Variants in GRAMD2B observed in about 807,000 individuals in gnomAD.
The protein encoded by GRAMD2B is GRAM domain-containing protein 2B.
GRAMD2B carries 41 observed loss-of-function variants against 59.2 expected under a neutral mutation model. The ratio of observed to expected loss-of-function variants is 0.69; its 90% confidence interval spans 0.54 to 0.90. The LOEUF is 0.90. GRAMD2B is among the 40% of genes least tolerant of loss of function. GRAMD2B has a pLI of 0.00. For missense variants in GRAMD2B, 424 were observed against 500.5 expected, an observed-to-expected ratio of 0.85 and a Z score of 1.46; for synonymous variants, 161 against 182.7, an observed-to-expected ratio of 0.88 and a Z score of 0.96.
At chr5:126,408,801 T>C (rs1019538784) in intron 1 of GRAMD2B, among the ~76,000 whole-genome samples, 3 of 149,386 alleles carry the variant, frequency 2.0e-5, no homozygotes, top group African/African-American at 7.4e-5. Flanking sequence ...AACTCGTCAT[T>C]TAGCATTAGG....
upstream of GRAMD2B, among the ~76,000 whole-genome samples, chr5:126,368,468 C>T (rs1234366294): frequency 6.6e-6 from 1 of 152,352 alleles, no homozygotes; most frequent in South Asian, 2.1e-4. Flanking sequence ...TAACTACTTG[C>T]ACATTTTGTC....
At chr5:126,378,249 TTCTTTTCTGTTTACTGAAAA>T (rs1355488899) in intron 1 of GRAMD2B, among the ~76,000 whole-genome samples, 1 of 152,170 alleles carries the variant, frequency 6.6e-6, no homozygotes, top group Non-Finnish European at 1.5e-5. Context: ...CTAAACCACC[TTCTTTTCTGTTTACTGAAAA>T]TATTATGAGG....
At chr5:126,425,077 T>C (rs1561502924) in intron 1 of GRAMD2B, among the ~76,000 whole-genome samples, 1 of 152,204 alleles carries the variant, frequency 6.6e-6, no homozygotes, top group Non-Finnish European at 1.5e-5. Flanking sequence ...ACACAGACCA[T>C]TGCAACCTCA....
chr5:126,386,280 C>A (rs1192551282), intron 1 of GRAMD2B, among the ~76,000 whole-genome samples: 1 of 152,138 alleles, frequency 6.6e-6, no homozygotes, highest in Non-Finnish European at 1.5e-5. Context: ...TGATTCCATG[C>A]TCTCCAACAT....
chr5:126,430,169 G>C (rs1761337605), intron 1 of GRAMD2B, among the ~76,000 whole-genome samples: 1 of 152,160 alleles, frequency 6.6e-6, no homozygotes, highest in Non-Finnish European at 1.5e-5. Context: ...AAAGAGGAGT[G>C]TTTTATCCGA....
chr5:126,409,420 G>A (rs1372018478), intron 1 of GRAMD2B, among the ~76,000 whole-genome samples: 3 of 152,102 alleles, frequency 2.0e-5, no homozygotes, highest in Admixed American at 6.5e-5. Flanking sequence ...GTTTTGATTT[G>A]CATTTCTCTG....
chr5:126,403,582 C>T lies in GRAMD2B; in HGVS notation c.125+32015C>T, dbSNP rs564645809. ...TGAACCATCCTTTACAAAGTTTAGGCTCTAGGGGAAAAAAGAGCAGGGGGG... is the reference window on the plus strand; with the variant it reads ...TGAACCATCCTTTACAAAGTTTAGGTTCTAGGGGAAAAAAGAGCAGGGGGG... On this transcript the variant is annotated intron_variant, in intron 1 of 8. Coordinates refer to the GRAMD2B transcript ENST00000506445. Among the ~76,000 whole-genome samples, 7 of 151,878 alleles carry T rather than the reference C, an allele frequency of 4.6e-5. No individual in the cohort carries two copies. In the East Asian group the frequency reaches 5.8e-4, roughly 13 times the overall value.
chr5:126,396,939 T>C (rs1040436152), intron 1 of GRAMD2B, among the ~76,000 whole-genome samples: 23 of 152,320 alleles, frequency 1.5e-4, no homozygotes, highest in South Asian at 6.2e-4. Flanking sequence ...ATGTTGACCT[T>C]TTTTTCACAT....
At chr5:126,398,197 A>C (rs188740238) in intron 1 of GRAMD2B, among the ~76,000 whole-genome samples, 1 of 151,130 alleles carries the variant, frequency 6.6e-6, no homozygotes, top group Admixed American at 6.6e-5. Flanking sequence ...TAATTTTTTT[A>C]TTATTGTAGA....
In GRAMD2B at chr5:126,480,260, T is replaced by G. The variant is rs1015225504; in HGVS notation, c.583-196T>G. 34 of 545,956 alleles carry G rather than the reference T, an allele frequency of 6.2e-5. No individual in the cohort carries two copies. The Admixed American group carries it at 1.0e-3, about 16-fold the overall frequency. The allele number at this position is 545,956 out of a possible 1,614,324, so 33.8% of individuals were successfully genotyped here. On this transcript the variant is annotated intron_variant, in intron 6 of 13. Transcript: ENST00000285689. ...TTGGGTTTGAAGATTTTGTTGCTTT[T>G]ATGGGAGAATGTTTGCTTTATTACA...
At chr5:126,414,475 G>T (rs1302633969) in intron 1 of GRAMD2B, among the ~76,000 whole-genome samples, 1 of 152,064 alleles carries the variant, frequency 6.6e-6, no homozygotes, top group Admixed American at 6.6e-5. Context: ...CTCGTATGTT[G>T]TTGAGGCAGG....
intron 1 of GRAMD2B, among the ~76,000 whole-genome samples, chr5:126,439,256 A>G (rs1015932937): frequency 2.0e-5 from 3 of 152,000 alleles, no homozygotes; most frequent in Non-Finnish European, 4.4e-5. Context: ...ATGTTGAAAT[A>G]TATAGATATT....
intron 13 of GRAMD2B, among the ~76,000 whole-genome samples, chr5:126,491,378 A>G (rs1773907105): frequency 6.6e-6 from 1 of 152,252 alleles, no homozygotes; most frequent in Admixed American, 6.5e-5. Context: ...AAGTGGAATT[A>G]ATGGTGGAAC....
At chr5:126,369,132 A>G (rs926051787), upstream of GRAMD2B, among the ~76,000 whole-genome samples, 5 of 152,210 alleles carry the variant, frequency 3.3e-5, no homozygotes, top group African/African-American at 4.8e-5. Context: ...GTTCATGAGC[A>G]CTACTCCTTT....
intron 1 of GRAMD2B, among the ~76,000 whole-genome samples, chr5:126,444,151 G>GA (rs1211863531): frequency 2.0e-5 from 3 of 151,982 alleles, no homozygotes; most frequent in Admixed American, 6.6e-5. Flanking sequence ...ATTATTCCAA[G>GA]AAAAAAACAG....
Position 126,483,481 on chromosome 5 carries a change from T to G in GRAMD2B, c.754T>G (p.Ser252Ala), listed in dbSNP as rs745593180. The change falls in exon 9 of 14, where the codon TCA becomes GCA. Residue 252 changes from serine (S) to alanine (A), a missense_variant. Transcript: ENST00000285689. ...SLPLDFNDEF[S>A]DLDGVVQQRR... ...CTTTCAGGATTTCAATGATGAATTC[T>G]CAGATCTGGATGGAGTGGTTCAACA... is the stretch of plus-strand genomic sequence containing the variant. 6.2e-7 allele frequency: 1 copy of G among 1,608,734 alleles called. No individual in the cohort carries two copies. The highest frequency in any genetic ancestry group is 1.3e-5 in the African/African-American group (1 of 74,794).
At chr5:126,459,484 A>T (rs6595707) in intron 1 of GRAMD2B, among the ~76,000 whole-genome samples, 138,331 of 152,282 alleles carry the variant, frequency 0.91, 63,802 homozygotes, top group East Asian at 1. Context: ...GAATCTGTGA[A>T]GCAATTATGA....
intron 1 of GRAMD2B, among the ~76,000 whole-genome samples, chr5:126,380,933 C>T (rs929410584): frequency 1.4e-4 from 21 of 152,228 alleles, no homozygotes; most frequent in African/African-American, 4.3e-4. Context: ...ACTTTCAATA[C>T]TATGTTGAAT....
intron 1 of GRAMD2B, among the ~76,000 whole-genome samples, chr5:126,409,202 C>G (rs1476030626): frequency 1.3e-5 from 2 of 152,100 alleles, no homozygotes; most frequent in African/African-American, 2.4e-5. Context: ...GGTATACACC[C>G]AGTAATGGGA....
Sources: allele counts gnomAD v4.1 joint callset (sites outside exome capture counted in the v4.1 genomes callset), GRCh38; gene constraint gnomAD v4.1.1; transcripts MANE v1.5; gene names NCBI Gene and HGNC (gene_info 2026-07-23, HGNC 2026-07-21).